The following PDE1C variants were observed in gnomAD, a reference collection of about 807,000 sequenced individuals.
PDE1C encodes dual specificity calcium/calmodulin-dependent 3',5'-cyclic nucleotide phosphodiesterase 1C.
A neutral mutation model predicts 93.1 loss-of-function variants in PDE1C; 62 were observed. The ratio of observed to expected loss-of-function variants is 0.67; its 90% CI spans 0.54 to 0.82. PDE1C has a LOEUF of 0.82. Among genes scored for constraint, PDE1C ranks in the 40% least tolerant of loss-of-function variants. PDE1C has a pLI of 0.00. For missense variants in PDE1C, 742 were observed against 884.6 expected (o/e 0.84, Z 2.04); for synonymous variants, 325 against 310.1 (o/e 1.05, Z -0.50).
intron 3 of PDE1C, among the ~76,000 whole-genome samples, chr7:32,104,801 G>T (rs964229750): frequency 1.3e-5 from 2 of 152,064 alleles, no homozygotes; most frequent in African/African-American, 4.8e-5. Flanking sequence ...AAATAAAAAG[G>T]ACCAAAGCTG....
rs145283005 is a variant in PDE1C at position 32,382,056 on chromosome 7, G to T, written c.310+45766C>A. 3.3e-3 allele frequency among the ~76,000 whole-genome samples: 499 copies of T among 152,340 alleles called. 5 individuals are homozygous for T. The highest frequency in any genetic ancestry group is 0.011 in the African/African-American group (468 of 41,580). On this transcript the variant is annotated intron_variant, in intron 1 of 1. Coordinates refer to the PDE1C transcript ENST00000672256. Reference sequence around the variant, plus strand: ...TGATTATCATTTCCATTTCACAGAAGTTGAAGCACAGAAAGGTTGACTATT... The same window carrying T: ...TGATTATCATTTCCATTTCACAGAATTTGAAGCACAGAAAGGTTGACTATT...
At chr7:31,864,574 T>C (rs1795057283) in intron 7 of PDE1C, among the ~76,000 whole-genome samples, 1 of 152,242 alleles carries the variant, frequency 6.6e-6, no homozygotes, top group African/African-American at 2.4e-5. Context: ...GGTTGCCAAG[T>C]ACATTGAATA....
At chr7:31,996,888 A>C (rs1784792233) in intron 2 of PDE1C, among the ~76,000 whole-genome samples, 1 of 152,214 alleles carries the variant, frequency 6.6e-6, no homozygotes, top group Non-Finnish European at 1.5e-5. Flanking sequence ...ATAGTACCAG[A>C]TATCAGAGAT....
intron 2 of PDE1C, among the ~76,000 whole-genome samples, chr7:32,027,827 C>T (rs1292726721): frequency 1.3e-5 from 2 of 151,528 alleles, no homozygotes; most frequent in African/African-American, 2.4e-5. Flanking sequence ...TTTGATGTTT[C>T]CAAAGCAACA....
intron 1 of PDE1C, among the ~76,000 whole-genome samples, chr7:32,413,028 G>A (rs1320083244): frequency 6.6e-6 from 1 of 152,120 alleles, no homozygotes; most frequent in Non-Finnish European, 1.5e-5. Context: ...ATAGGGGTTT[G>A]GGTTACACAA....
intron 2 of PDE1C, among the ~76,000 whole-genome samples, chr7:31,892,453 T>C (rs1798759727): frequency 6.6e-6 from 1 of 152,172 alleles, no homozygotes; most frequent in Admixed American, 6.5e-5. Context: ...GGCTCACTAA[T>C]TACACCTCTA....
At chr7:31,758,020 C>A (rs12666787) in intron 17 of PDE1C, among the ~76,000 whole-genome samples, 29,068 of 152,052 alleles carry the variant, frequency 0.19, 3,298 homozygotes, top group Admixed American at 0.26. Context: ...AGCTGGAAAC[C>A]ATCATTCTGA....
chr7:32,383,983 T>TG (rs1465108986), intron 1 of PDE1C, among the ~76,000 whole-genome samples: 3 of 152,212 alleles, frequency 2.0e-5, no homozygotes, highest in Non-Finnish European at 4.4e-5. Context: ...TAGATCTGTT[T>TG]GAACACAATC....
intron 16 of PDE1C, chr7:31,786,949 CT>C (rs1474045724): frequency 1.1e-3 from 121 of 115,204 alleles, no homozygotes; most frequent in Middle Eastern, 4.1e-3. Context: ...ATCTATCTAT[CT>C]ATCTATCATC....
In PDE1C at chr7:31,810,283, G is replaced by A. The variant is rs1787386755; in HGVS notation, c.1814-1175C>T. Among the ~76,000 whole-genome samples, 3 of 152,028 alleles carry A rather than the reference G, an allele frequency of 2.0e-5. No homozygotes were observed. The South Asian group carries it at 6.2e-4, about 32-fold the overall frequency. On this transcript the variant is annotated intron_variant, in intron 15 of 17. Coordinates refer to ENST00000396191, the MANE Select transcript of PDE1C (RefSeq NM_001191057.4). ...TTCTTTTTAGCCTGCATAAAACCAA[G>A]AACACATTCTCACTCAAATACTGGT...
chr7:32,118,829 C>T (rs1395098766), intron 3 of PDE1C, among the ~76,000 whole-genome samples: 1 of 152,218 alleles, frequency 6.6e-6, no homozygotes, highest in African/African-American at 2.4e-5. Context: ...ACCTGAGTTT[C>T]AGATGGGACT....
the PDE1C span, among the ~76,000 whole-genome samples, chr7:31,680,102 C>G: frequency 6.6e-6 from 1 of 152,172 alleles, no homozygotes; most frequent in Non-Finnish European, 1.5e-5. Context: ...CTTTAGTACA[C>G]TTACTTAATT....
chr7:31,669,605 A>T, the PDE1C span, among the ~76,000 whole-genome samples: 3 of 152,216 alleles, frequency 2.0e-5, no homozygotes, highest in Admixed American at 6.5e-5. Flanking sequence ...AACTACATTC[A>T]TCAGTTCTAA....
chr7:31,732,611 TTCTCTC>T, the PDE1C span, among the ~76,000 whole-genome samples: 2,309 of 143,866 alleles, frequency 0.016, 32 homozygotes, highest in Non-Finnish European at 0.024. Flanking sequence ...CTTTAAATCT[TTCTCTC>T]TCTCTCTCTC....
chr7:31,714,588 C>T, the PDE1C span, among the ~76,000 whole-genome samples: 2 of 152,234 alleles, frequency 1.3e-5, no homozygotes, highest in Non-Finnish European at 1.5e-5. Flanking sequence ...AAAGACATAC[C>T]CAAGACTGGG....
intron 1 of PDE1C, among the ~76,000 whole-genome samples, chr7:32,056,250 T>C (rs1348697397): frequency 6.6e-6 from 1 of 151,264 alleles, no homozygotes; most frequent in Non-Finnish European, 1.5e-5. Context: ...AAGGCCAGGC[T>C]GAGGACACCA....
At chr7:32,159,582 C>T (rs551546707) in intron 3 of PDE1C, among the ~76,000 whole-genome samples, 138 of 152,256 alleles carry the variant, frequency 9.1e-4, no homozygotes, top group Middle Eastern at 3.4e-3. Context: ...GTAGGCCAAT[C>T]TGTCTCTTTA....
intron 1 of PDE1C, among the ~76,000 whole-genome samples, chr7:32,216,506 GCAATCTAC>G (rs1391378723): frequency 6.6e-6 from 1 of 152,154 alleles, no homozygotes; most frequent in Non-Finnish European, 1.5e-5. Context: ...AAGCCTCCTA[GCAATCTAC>G]CATTCAGAAC....
At chr7:31,786,888 TTATATTATCTATCTATCTATCTATCTATC>T (rs1251874769) in intron 16 of PDE1C, 35 of 144,126 alleles carry the variant, frequency 2.4e-4, no homozygotes, top group Non-Finnish European at 5.0e-4. Flanking sequence ...AGAAAATATA[TTATATTATCTATCTATCTATCTATCTATC>T]TATCTATCTA....
Sources: allele counts gnomAD v4.1 joint callset (sites outside exome capture counted in the v4.1 genomes callset), GRCh38; gene constraint gnomAD v4.1.1; transcripts MANE v1.5; gene names NCBI Gene and HGNC (gene_info 2026-07-23, HGNC 2026-07-21).